The following ZC3H14 variants were observed in gnomAD, a reference collection of about 807,000 sequenced individuals.
ZC3H14 encodes the protein zinc finger CCCH domain-containing protein 14.
In ZC3H14, 31 loss-of-function variants were observed where a neutral mutation model predicts 92.4. The observed-to-expected ratio is 0.34, with a 90% CI of 0.25 to 0.45. The LOEUF is 0.45. Ranked by LOEUF, ZC3H14 falls within the 20% of genes least tolerant of loss-of-function variation. The pLI, the probability that ZC3H14 is intolerant of heterozygous loss-of-function variation, is 1.00. For synonymous variants in ZC3H14, 321 were observed against 300.9 expected, an observed-to-expected ratio of 1.07 and a Z score of -0.69; for missense variants, 781 against 897.3, an observed-to-expected ratio of 0.87 and a Z score of 1.66.
At chr14:88,582,076 A>G (rs1245617251) in intron 9 of ZC3H14, among the ~76,000 whole-genome samples, 6 of 152,250 alleles carry the variant, frequency 3.9e-5, no homozygotes, top group Non-Finnish European at 7.3e-5. Flanking sequence ...AACAGACCAT[A>G]TAGCTTGCAT....
At chr14:88,579,647 AT>A (rs931078176) in intron 9 of ZC3H14, among the ~76,000 whole-genome samples, 2 of 152,218 alleles carry the variant, frequency 1.3e-5, no homozygotes, top group African/African-American at 4.8e-5. Context: ...AAGGTGCCAT[AT>A]TTTTTAACAT....
chr14:88,595,203 C>T (rs2083651581), intron 9 of ZC3H14: 1 of 1,554,690 alleles, frequency 6.4e-7, no homozygotes, highest in African/African-American at 1.4e-5. Flanking sequence ...GTGGAGGGAG[C>T]AAGTTACAGA....
rs1449520801 is a variant in ZC3H14, at chr14:88,615,143, A to G, written c.*3392A>G. ...AGAGATGGCATCTGAACATAAACTG[A>G]TGGCTCGAAAATGAAAATGGAAATG... is the stretch of plus-strand genomic sequence containing the variant. On this transcript the variant is annotated 3_prime_UTR_variant, in exon 17 of 17. Coordinates refer to ENST00000251038, the MANE Select transcript of ZC3H14 (RefSeq NM_024824.5). 1 of 152,194 alleles carries G rather than the reference A, an allele frequency of 6.6e-6. No individual in the cohort carries two copies. The highest frequency in any genetic ancestry group is 2.4e-5 in the African/African-American group (1 of 41,460). 9.4% of individuals were successfully genotyped at this position (152,194 alleles called of 1,614,324 possible). A position where few individuals can be genotyped will look rare whatever the true frequency, so the allele number is the denominator to read the frequency against.
intron 9 of ZC3H14, among the ~76,000 whole-genome samples, chr14:88,595,584 G>A (rs2083701684): frequency 6.6e-6 from 1 of 152,090 alleles, no homozygotes; most frequent in South Asian, 2.1e-4. Flanking sequence ...CAGAATGTGT[G>A]TTTTTTTATG....
At chr14:88,569,608 G>GC (rs1383042105) in intron 3 of ZC3H14, among the ~76,000 whole-genome samples, 1 of 152,120 alleles carries the variant, frequency 6.6e-6, no homozygotes. Context: ...GGCTTCTCAG[G>GC]CTAGGAACTA....
At chr14:88,594,911 C>G (rs560386753) in intron 9 of ZC3H14, 2 of 1,613,978 alleles carry the variant, frequency 1.2e-6, no homozygotes, top group Admixed American at 1.7e-5. Context: ...GCTATTTTGA[C>G]AGTGGAAGCA....
At chr14:88,604,974 A>G (rs1203926110) in intron 12 of ZC3H14, among the ~76,000 whole-genome samples, 2 of 152,250 alleles carry the variant, frequency 1.3e-5, no homozygotes, top group Admixed American at 1.3e-4. Context: ...GGTGTCAGCC[A>G]GTGAAGACTA....
chr14:88,588,182 T>C (rs1321188042), intron 9 of ZC3H14, among the ~76,000 whole-genome samples: 1 of 152,166 alleles, frequency 6.6e-6, no homozygotes, highest in African/African-American at 2.4e-5. Context: ...TCCTGGAGCC[T>C]CTCTCCTCCT....
rs760956231 is a variant in ZC3H14, at chr14:88,620,765, G to T, written c.*9014G>T. The T allele has an allele frequency of 1.3e-5, 21 of 1,592,990 alleles. No individual in the cohort carries two copies. The South Asian group carries it at 2.4e-4, about 18-fold the overall frequency. On this transcript the variant is annotated 3_prime_UTR_variant, in exon 17 of 17. Coordinates refer to ENST00000251038, the MANE Select transcript of ZC3H14 (RefSeq NM_024824.5). The surrounding 1 kb of genome is among the most constrained non-coding windows in gnomAD (Gnocchi z 4.3). ...ATTTGTTCACTAACCTGATATCATG[G>T]ATTGCACATCTCCTGTCTCTCTTCT...
At chr14:88,571,044 T>G in intron 3 of ZC3H14, 40 bp from the exon 4 acceptor site, 1 of 1,487,170 alleles carries the variant, frequency 6.7e-7, no homozygotes, top group South Asian at 1.5e-5. Context: ...AAATCTTTCT[T>G]AACAGAAGGT....
In ZC3H14 at chr14:88,624,898, T is replaced by A. The variant is rs2089688106; in HGVS notation, c.*13147T>A. Reference sequence around the variant, plus strand: ...ACACTCTGTGTAGCCTAGAAACAACTAGAATAATTAACTGCAAACCTCAGG... The same window carrying A: ...ACACTCTGTGTAGCCTAGAAACAACAAGAATAATTAACTGCAAACCTCAGG... On this transcript the variant is annotated 3_prime_UTR_variant, in exon 17 of 17. Coordinates refer to ENST00000251038, the MANE Select transcript of ZC3H14 (RefSeq NM_024824.5). The A allele has an allele frequency of 1.3e-6, 2 of 1,550,096 alleles. No homozygotes were observed. The highest frequency in any genetic ancestry group is 1.9e-5 in the Admixed American group (1 of 53,342).
At chr14:88,576,430 T>C (rs536516289) in intron 8 of ZC3H14, among the ~76,000 whole-genome samples, 2 of 152,396 alleles carry the variant, frequency 1.3e-5, no homozygotes, top group East Asian at 3.9e-4. Flanking sequence ...ATTTGTGATG[T>C]TCCTGCTCCA....
intron 9 of ZC3H14, chr14:88,590,057 G>T (rs1051684470): frequency 1.3e-5 from 2 of 152,160 alleles, no homozygotes; most frequent in Non-Finnish European, 2.9e-5. Flanking sequence ...TTGAACCTGG[G>T]AGGCGGAGGT....
chr14:88,616,498 T>A lies in ZC3H14; in HGVS notation c.*4747T>A. On this transcript the variant is annotated 3_prime_UTR_variant, in exon 17 of 17. Transcript: ENST00000251038. ...TGAAATTTGATAACTGATTATAGGT[T>A]TGGTGAAAAGCTAATTACAGCTTTT... 3 of 603,060 alleles carry A rather than the reference T, an allele frequency of 5.0e-6. No homozygotes were observed. The highest frequency in any genetic ancestry group is 2.3e-5 in the South Asian group (1 of 43,318). 37.4% of individuals were successfully genotyped at this position (603,060 alleles called of 1,614,324 possible). A position where few individuals can be genotyped will look rare whatever the true frequency, so the allele number is the denominator to read the frequency against.
chr14:88,580,825 G>A (rs1337888948), intron 9 of ZC3H14, among the ~76,000 whole-genome samples: 1 of 152,110 alleles, frequency 6.6e-6, no homozygotes, highest in Non-Finnish European at 1.5e-5. Flanking sequence ...TGGACATTCA[G>A]GCAAAAGGGG....
intron 9 of ZC3H14, chr14:88,590,562 C>T (rs1418688503): frequency 2.6e-5 from 4 of 152,220 alleles, no homozygotes; most frequent in Non-Finnish European, 5.9e-5. Context: ...TCCCCACACT[C>T]CCTCTTTTCT....
At position 88,625,161 on chromosome 14, in the gene ZC3H14, A is replaced by G; in HGVS notation, c.*13410A>G. On this transcript the variant is annotated 3_prime_UTR_variant, in exon 17 of 17. Coordinates refer to ENST00000251038, the MANE Select transcript of ZC3H14 (RefSeq NM_024824.5). ...GAGTGGGGGAGGGGGAGACAAACTC[A>G]TCAAAAGTTCAAATAGAGTTTAAAT... The G allele has an allele frequency of 6.2e-7, 1 of 1,609,366 alleles. No individual in the cohort carries two copies. The highest frequency in any genetic ancestry group is 1.7e-4 in the Middle Eastern group (1 of 5,840).
intron 2 of ZC3H14, 131 bp downstream of exon 2, chr14:88,563,824 A>G (rs2079205735): frequency 9.2e-6 from 8 of 871,440 alleles, no homozygotes; most frequent in Non-Finnish European, 1.5e-5. Context: ...CAAATCTTAT[A>G]CTCCCTGGTT....
rs915703334 is a variant in ZC3H14, at chr14:88,611,990, C to G, written c.*239C>G. On this transcript the variant is annotated 3_prime_UTR_variant, in exon 17 of 17. Transcript: ENST00000251038. Reference sequence around the variant, plus strand: ...TATGAAAAGACAGCTTAAGGAAGAGCTAAATTCTGTTAAAATATTTGGGGC... The same window carrying G: ...TATGAAAAGACAGCTTAAGGAAGAGGTAAATTCTGTTAAAATATTTGGGGC... 3.5e-6 allele frequency: 2 copies of G among 564,250 alleles called. No homozygotes were observed. The highest frequency in any genetic ancestry group is 6.3e-6 in the Non-Finnish European group (2 of 319,714). 35.0% of individuals were successfully genotyped at this position (564,250 alleles called of 1,614,324 possible).
Sources: gnomAD v4.1 joint callset for allele counts (sites outside exome capture counted in the v4.1 genomes callset) on GRCh38, gnomAD v4.1.1 for gene constraint, Gnocchi (gnomAD v3.1) non-coding constraint, MANE v1.5 for transcripts, NCBI Gene and HGNC (gene_info 2026-07-23, HGNC 2026-07-21) for gene names.